RTN4IP1: variants seen among roughly 807,000 people sequenced by gnomAD.
The protein encoded by RTN4IP1 is NAD(P)H oxidoreductase RTN4IP1, mitochondrial.
Under a neutral mutation model 46.6 loss-of-function variants are expected in RTN4IP1, and 32 were observed. The ratio of observed to expected loss-of-function variants is 0.69; its 90% CI spans 0.52 to 0.92. The LOEUF (loss-of-function observed/expected upper bound fraction) is 0.92. Among genes scored for constraint, RTN4IP1 ranks in the 40% least tolerant of loss-of-function variants. RTN4IP1 has a pLI of 0.00. For synonymous variants in RTN4IP1, 167 were observed against 161.8 expected (o/e 1.03, Z -0.24); for missense variants, 424 against 485.8 (o/e 0.87, Z 1.20).
At chr6:106,593,779 A>C (rs1422793600) in intron 5 of RTN4IP1, among the ~76,000 whole-genome samples, 4 of 152,362 alleles carry the variant, frequency 2.6e-5, no homozygotes, top group African/African-American at 9.6e-5. Flanking sequence ...TGAAATATTT[A>C]GGAGTGATAT....
intron 8 of RTN4IP1, among the ~76,000 whole-genome samples, chr6:106,581,001 T>C (rs1279048147): frequency 6.8e-6 from 1 of 147,360 alleles, no homozygotes; most frequent in African/African-American, 2.5e-5. Context: ...AAAAAGCAGG[T>C]TGCAGCACAG....
intron 5 of RTN4IP1, among the ~76,000 whole-genome samples, chr6:106,598,920 A>T (rs554719473): frequency 1.3e-5 from 2 of 152,160 alleles, no homozygotes; most frequent in South Asian, 4.1e-4. Context: ...ATTAAGGAGC[A>T]TTATGTGTTG....
rs965448336 is a variant in RTN4IP1 at position 106,622,447 on chromosome 6, T to C, written c.426+371A>G. ...CCTAATTCTCTTTACCTTGAGTTGA[T>C]AGCAATAGAGCAAATAACTAGGGAA... On this transcript the variant is annotated intron_variant, in intron 2 of 8. Coordinates refer to ENST00000369063, the MANE Select transcript of RTN4IP1 (RefSeq NM_032730.5). Among the ~76,000 whole-genome samples the C allele has an allele frequency of 7.9e-5, 12 of 152,202 alleles. 1 individual carries two copies. Among genetic ancestry groups the C allele is most frequent in the Admixed American group, 4.6e-4 (7 of 15,276 alleles).
chr6:106,574,783 C>T (rs1205544666), intron 8 of RTN4IP1, among the ~76,000 whole-genome samples: 2 of 152,220 alleles, frequency 1.3e-5, no homozygotes, highest in Non-Finnish European at 2.9e-5. Context: ...AGGCACTAAA[C>T]CAAAACCGGC....
At chr6:106,584,164 C>G (rs1775430681) in intron 7 of RTN4IP1, among the ~76,000 whole-genome samples, 1 of 152,144 alleles carries the variant, frequency 6.6e-6, no homozygotes, top group Admixed American at 6.5e-5. Flanking sequence ...GTTTTGAACT[C>G]CTGGTCTCAA....
chr6:106,619,098 C>G lies in RTN4IP1; in HGVS notation c.620+104G>C, dbSNP rs17067469. 7 of 1,272,352 alleles carry G rather than the reference C, an allele frequency of 5.5e-6. No homozygotes were observed. The Admixed American group carries it at 8.0e-5, about 15-fold the overall frequency. 78.8% of individuals were successfully genotyped at this position (1,272,352 alleles called of 1,614,324 possible). On this transcript the variant is annotated intron_variant, in intron 4 of 8. Coordinates refer to ENST00000369063, the MANE Select transcript of RTN4IP1 (RefSeq NM_032730.5). ...TTTCAAATGTTAGTACAGCTCTGTT[C>G]GTGTAAATGATACTAAATTTCAAAG...
chr6:106,619,605 CA>C (rs1159573038), intron 3 of RTN4IP1, among the ~76,000 whole-genome samples: 4 of 134,804 alleles, frequency 3.0e-5, no homozygotes, highest in East Asian at 2.3e-4. Flanking sequence ...TACTTTTCTT[CA>C]TTTTTTTTTT....
chr6:106,591,047 AACAC>A (rs1164858619), intron 6 of RTN4IP1, among the ~76,000 whole-genome samples: 5 of 152,244 alleles, frequency 3.3e-5, no homozygotes, highest in African/African-American at 1.2e-4. Context: ...AGCAGGGAGC[AACAC>A]ACAAACACAC....
intron 4 of RTN4IP1, among the ~76,000 whole-genome samples, chr6:106,610,064 TA>T (rs1297536445): frequency 6.9e-6 from 1 of 145,574 alleles, no homozygotes; most frequent in Non-Finnish European, 1.5e-5. Flanking sequence ...GTAGGCAAAA[TA>T]AATTTTTTTT....
intron 1 of RTN4IP1, among the ~76,000 whole-genome samples, chr6:106,624,788 T>C (rs1044803535): frequency 2.0e-5 from 3 of 151,242 alleles, no homozygotes; most frequent in Non-Finnish European, 4.4e-5. Flanking sequence ...TTTTAAAAAT[T>C]AGCCAGGCAT....
rs1776757919 is a variant in RTN4IP1, at chr6:106,629,498, C to A, written c.-477G>T. The A allele has an allele frequency of 5.0e-6, 4 of 798,252 alleles. No individual in the cohort carries two copies. The highest frequency in any genetic ancestry group is 3.5e-5 in the African/African-American group (2 of 56,880). The allele number at this position is 798,252 out of a possible 1,614,324, so 49.4% of individuals were successfully genotyped here. A position where few individuals can be genotyped will look rare whatever the true frequency, so the allele number is the denominator to read the frequency against. ...CTCCTTAGCCGCCGGGATGGCTTTG[C>A]GGCGCCAACCAATCGCCTACAAAGA... On this transcript the variant is annotated 5_prime_UTR_variant, in exon 1 of 9. Transcript: ENST00000369063.
chr6:106,595,796 C>T (rs1450324343), intron 5 of RTN4IP1, among the ~76,000 whole-genome samples: 1 of 152,140 alleles, frequency 6.6e-6, no homozygotes, highest in Non-Finnish European at 1.5e-5. Context: ...ACGCGTCCAG[C>T]CTGAATACTT....
intron 4 of RTN4IP1, among the ~76,000 whole-genome samples, chr6:106,605,178 G>A (rs561132227): frequency 1.3e-5 from 2 of 152,350 alleles, no homozygotes; most frequent in South Asian, 4.1e-4. Context: ...GCTCATGCCT[G>A]TAATCCCAGC....
At chr6:106,629,801 C>T (rs1303039154), upstream of RTN4IP1, 4 of 1,458,410 alleles carry the variant, frequency 2.7e-6, no homozygotes, top group Non-Finnish European at 3.8e-6. Context: ...GCATCTTGGC[C>T]CACCTCGCTG....
At chr6:106,573,608 G>T (rs746908213) in intron 8 of RTN4IP1, among the ~76,000 whole-genome samples, 8 of 152,162 alleles carry the variant, frequency 5.3e-5, no homozygotes, top group Non-Finnish European at 8.8e-5. Context: ...ACCATTTTCT[G>T]GGGTAAATAC....
chr6:106,612,476 T>C (rs996512829), intron 4 of RTN4IP1, among the ~76,000 whole-genome samples: 1 of 148,484 alleles, frequency 6.7e-6, no homozygotes, highest in Non-Finnish European at 1.5e-5. Context: ...GGATTTACCA[T>C]GGAGCCAATG....
chr6:106,577,994 G>T (rs544850695), intron 8 of RTN4IP1, among the ~76,000 whole-genome samples: 55 of 152,232 alleles, frequency 3.6e-4, no homozygotes, highest in African/African-American at 1.3e-3. Context: ...ATAGTAATTT[G>T]TTACTGCAAT....
intron 7 of RTN4IP1, 65 bp downstream of exon 7, chr6:106,587,614 G>T: frequency 6.7e-7 from 1 of 1,485,696 alleles, no homozygotes; most frequent in Non-Finnish European, 9.2e-7. Context: ...AACTGGCTAG[G>T]TGGGAAACCA....
intron 4 of RTN4IP1, among the ~76,000 whole-genome samples, chr6:106,611,811 T>A (rs138174924): frequency 5.3e-5 from 8 of 152,220 alleles, no homozygotes; most frequent in Non-Finnish European, 1.0e-4. Flanking sequence ...AGAGTTTGTG[T>A]GTGAATTAAA....
Sources: allele counts gnomAD v4.1 joint callset (sites outside exome capture counted in the v4.1 genomes callset), GRCh38; gene constraint gnomAD v4.1.1; transcripts MANE v1.5; gene names NCBI Gene and HGNC (gene_info 2026-07-23, HGNC 2026-07-21).